MARCHF11: variants seen among roughly 807,000 people sequenced by gnomAD.
MARCHF11 encodes E3 ubiquitin-protein ligase MARCHF11.
MARCHF11 carries 29 observed loss-of-function variants against 37.3 expected under a neutral mutation model. That is an observed-to-expected ratio of 0.78 (90% CI 0.58 to 1.06). MARCHF11 has a LOEUF of 1.06. MARCHF11 is among the 50% of genes least tolerant of loss of function. MARCHF11 has a pLI of 0.00. For missense variants in MARCHF11, 482 were observed against 533.4 expected, an observed-to-expected ratio of 0.90 and a Z score of 0.95; for synonymous variants, 233 against 228.0, an observed-to-expected ratio of 1.02 and a Z score of -0.20.
At chr5:16,109,024 T>C (rs1469428359) in intron 2 of MARCHF11, among the ~76,000 whole-genome samples, 1 of 152,076 alleles carries the variant, frequency 6.6e-6, no homozygotes, top group Non-Finnish European at 1.5e-5. Flanking sequence ...TCAGATCCTG[T>C]TTCCTTATCT....
intron 2 of MARCHF11, among the ~76,000 whole-genome samples, chr5:16,155,370 G>A (rs947945134): frequency 2.0e-5 from 3 of 151,682 alleles, no homozygotes; most frequent in African/African-American, 7.3e-5. Flanking sequence ...GGCCTGAGGG[G>A]TAAGTAAAAG....
At chr5:16,090,261 AAC>A (rs1736770039) in intron 3 of MARCHF11, among the ~76,000 whole-genome samples, 1 of 152,210 alleles carries the variant, frequency 6.6e-6, no homozygotes, top group African/African-American at 2.4e-5. Context: ...ACTAGGGAAC[AAC>A]AGATGGGTCA....
intron 2 of MARCHF11, among the ~76,000 whole-genome samples, chr5:16,104,045 C>A (rs1736999340): frequency 2.0e-5 from 3 of 152,166 alleles, no homozygotes; most frequent in Admixed American, 6.6e-5. Flanking sequence ...CACTAAATAT[C>A]TTTGTGTCAT....
intron 2 of MARCHF11, among the ~76,000 whole-genome samples, chr5:16,171,923 G>C (rs780434148): frequency 5.9e-5 from 9 of 152,128 alleles, no homozygotes; most frequent in Non-Finnish European, 1.2e-4. Flanking sequence ...AGAAGAGGAA[G>C]GTGTCCAAAG....
intron 2 of MARCHF11, among the ~76,000 whole-genome samples, chr5:16,093,268 C>G (rs1004350933): frequency 6.6e-6 from 1 of 152,128 alleles, no homozygotes; most frequent in African/African-American, 2.4e-5. Flanking sequence ...TTACTGATAT[C>G]TATTTTCTGT....
intron 2 of MARCHF11, among the ~76,000 whole-genome samples, chr5:16,136,926 A>G (rs1737619038): frequency 6.6e-6 from 1 of 152,206 alleles, no homozygotes; most frequent in Non-Finnish European, 1.5e-5. Context: ...AGATCTGTGA[A>G]GCTTTAATTA....
intron 2 of MARCHF11, among the ~76,000 whole-genome samples, chr5:16,170,993 A>T (rs1321057597): frequency 6.6e-6 from 1 of 151,456 alleles, no homozygotes; most frequent in Non-Finnish European, 1.5e-5. Flanking sequence ...ACTTAACCAA[A>T]GCGACTCCTC....
At chr5:16,082,371 A>C (rs529453420) in intron 3 of MARCHF11, among the ~76,000 whole-genome samples, 1 of 152,342 alleles carries the variant, frequency 6.6e-6, no homozygotes, top group East Asian at 1.9e-4. Flanking sequence ...ACTCAATTTA[A>C]GAAATGATTC....
intron 2 of MARCHF11, among the ~76,000 whole-genome samples, chr5:16,127,010 C>T (rs920945973): frequency 6.6e-6 from 1 of 152,126 alleles, no homozygotes; most frequent in African/African-American, 2.4e-5. Context: ...AGAAAAAAGG[C>T]ATCTCCCCAG....
At chr5:16,151,612 G>T (rs1737889621) in intron 2 of MARCHF11, among the ~76,000 whole-genome samples, 1 of 145,402 alleles carries the variant, frequency 6.9e-6, no homozygotes, top group Non-Finnish European at 1.5e-5. Context: ...TTGGCATCAG[G>T]AGCATGTCTG....
intron 2 of MARCHF11, among the ~76,000 whole-genome samples, chr5:16,094,010 T>A (rs563089719): frequency 1.3e-5 from 2 of 152,316 alleles, no homozygotes; most frequent in South Asian, 4.1e-4. Flanking sequence ...CATATACTGA[T>A]GAACCTTAAA....
At chr5:16,153,411 T>C (rs771666252) in intron 2 of MARCHF11, among the ~76,000 whole-genome samples, 65 of 152,012 alleles carry the variant, frequency 4.3e-4, no homozygotes, top group Non-Finnish European at 8.1e-4. Context: ...TGTGGCTAAC[T>C]CAATGAAGCC....
At chr5:16,086,409 C>T in intron 3 of MARCHF11, among the ~76,000 whole-genome samples, 1 of 152,232 alleles carries the variant, frequency 6.6e-6, no homozygotes, top group East Asian at 1.9e-4. Flanking sequence ...ACAAATTTCA[C>T]ATGTGTTTGT....
intron 2 of MARCHF11, among the ~76,000 whole-genome samples, chr5:16,111,836 A>G (rs1011084352): frequency 2.0e-5 from 3 of 152,120 alleles, no homozygotes; most frequent in African/African-American, 7.2e-5. Flanking sequence ...TAAGACCCCC[A>G]TGATGTGTGC....
rs148365515 is a variant in MARCHF11, at chr5:16,072,826, A to T, written c.887-5033T>A. Among the ~76,000 whole-genome samples, 537 of 152,214 alleles carry T rather than the reference A, an allele frequency of 3.5e-3. 4 individuals carry two copies. The highest frequency in any genetic ancestry group is 0.013 in the African/African-American group (521 of 41,526). On this transcript the variant is annotated intron_variant, in intron 3 of 3. Transcript: ENST00000332432. ...TCATCATCTACAGTGTTGCTTTCAA[A>T]TAAGCCTTGCCAACCCTTTTCTCCT...
chr5:16,069,414 T>C (rs1736399657), intron 3 of MARCHF11, among the ~76,000 whole-genome samples: 1 of 152,094 alleles, frequency 6.6e-6, no homozygotes, highest in Admixed American at 6.6e-5. Flanking sequence ...AACATTTGGG[T>C]GTCCCAAATG....
intron 2 of MARCHF11, among the ~76,000 whole-genome samples, chr5:16,093,756 A>G (rs183564276): frequency 6.2e-4 from 95 of 152,336 alleles, no homozygotes; most frequent in Non-Finnish European, 1.1e-3. Context: ...TTATGTCCGG[A>G]GGCAAGGAAA....
intron 3 of MARCHF11, among the ~76,000 whole-genome samples, chr5:16,088,457 C>T (rs1486534214): frequency 6.6e-6 from 1 of 152,198 alleles, no homozygotes; most frequent in Non-Finnish European, 1.5e-5. Context: ...ACTTTTCACA[C>T]TAACACTGCC....
At chr5:16,176,572 A>G (rs1484548535) in intron 2 of MARCHF11, among the ~76,000 whole-genome samples, 1 of 152,218 alleles carries the variant, frequency 6.6e-6, no homozygotes, top group East Asian at 1.9e-4. Context: ...TGAGAAATAC[A>G]TATTTTCATT....
Sources: allele counts gnomAD v4.1 joint callset (sites outside exome capture counted in the v4.1 genomes callset), GRCh38; gene constraint gnomAD v4.1.1; transcripts MANE v1.5; gene names NCBI Gene and HGNC (gene_info 2026-07-23, HGNC 2026-07-21).